The following ATP7A variants were observed in gnomAD, a reference collection of about 807,000 sequenced individuals.
The protein encoded by ATP7A is ATPase copper transporting alpha.
Under a neutral mutation model 83.5 loss-of-function variants are expected in ATP7A, and 7 were observed. The ratio of observed to expected loss-of-function variants is 0.08; its 90% CI spans 0.05 to 0.16. The LOEUF is 0.16. Ranked by LOEUF, ATP7A falls within the 10% of genes least tolerant of loss-of-function variation. The pLI, the probability that ATP7A is intolerant of heterozygous loss-of-function variation, is 1.00. For missense variants in ATP7A, 940 were observed against 1,120.8 expected (o/e 0.84, Z 2.30); for synonymous variants, 354 against 395.2 (o/e 0.90, Z 1.24).
rs376576688 is a variant in ATP7A, at chrX:77,952,453, G to C, written c.-21-19168G>C. ...TTTTAATTTGCATTTCCCTGATGAC[G>C]TATGATGTGGGGCATCTTTTCATAT... On this transcript the variant is annotated intron_variant, in intron 1 of 22. Coordinates refer to ENST00000341514, the MANE Select transcript of ATP7A (RefSeq NM_000052.7). 3.6e-5 allele frequency among the ~76,000 whole-genome samples: 4 copies of C among 111,719 alleles called. No homozygotes were observed. The Admixed American group carries it at 3.8e-4, about 11-fold the overall frequency.
At chrX:77,946,278 T>C (rs928086600) in intron 1 of ATP7A, among the ~76,000 whole-genome samples, 41 of 104,120 alleles carry the variant, frequency 3.9e-4, no homozygotes, top group African/African-American at 1.3e-3. Context: ...CCAGCCTGGG[T>C]GACAGGGCGA....
rs540249084 is a variant in ATP7A at position 78,017,338 on chromosome X, A to C, written c.2626+1457A>C. On this transcript the variant is annotated intron_variant, in intron 12 of 22. Transcript: ENST00000341514. ...GCCCTGGTTCCCAGCCCACAAAATC[A>C]TTTTTTCTCCTAGGCCTCAGGGCCT... Among the ~76,000 whole-genome samples the C allele has an allele frequency of 3.2e-4, 36 of 111,492 alleles. No individual in the cohort carries two copies. In the South Asian group the frequency reaches 0.013, roughly 41 times the overall value.
intron 1 of ATP7A, among the ~76,000 whole-genome samples, chrX:77,926,434 G>A (rs942860860): frequency 1.8e-5 from 2 of 111,015 alleles, no homozygotes; most frequent in Non-Finnish European, 1.9e-5. Flanking sequence ...AGGTTCAAAT[G>A]ATTCTCCTGC....
intron 1 of ATP7A, among the ~76,000 whole-genome samples, chrX:77,944,690 G>A (rs1009622419): frequency 4.6e-5 from 5 of 109,357 alleles, no homozygotes; most frequent in East Asian, 2.9e-4. Flanking sequence ...TCCTGTGCCC[G>A]GCCCCAAGTG....
chrX:77,950,570 T>C, intron 1 of ATP7A, among the ~76,000 whole-genome samples: 1 of 112,134 alleles, frequency 8.9e-6, no homozygotes, highest in African/African-American at 3.2e-5. Context: ...TTTAATTAAT[T>C]ATTTTAATTT....
At chrX:77,933,077 G>T (rs782462752) in intron 1 of ATP7A, among the ~76,000 whole-genome samples, 14 of 112,287 alleles carry the variant, frequency 1.2e-4, no homozygotes, top group South Asian at 7.3e-4. Context: ...TGACAGCAGT[G>T]AACCAGGTCT....
chrX:77,936,005 C>A (rs1361881844), intron 1 of ATP7A, among the ~76,000 whole-genome samples: 1 of 112,433 alleles, frequency 8.9e-6, no homozygotes, highest in Non-Finnish European at 1.9e-5. Flanking sequence ...AGTGAGAGTT[C>A]TTGGGTCAGA....
chrX:77,931,743 G>A (rs1361052642), intron 1 of ATP7A, among the ~76,000 whole-genome samples: 3 of 102,734 alleles, frequency 2.9e-5, no homozygotes, highest in Admixed American at 1.0e-4. Flanking sequence ...CTCACCTCCC[G>A]GACGGGGCGG....
chrX:78,038,242 T>C (rs1242618671), intron 17 of ATP7A, among the ~76,000 whole-genome samples: 1 of 109,627 alleles, frequency 9.1e-6, no homozygotes, highest in Non-Finnish European at 1.9e-5. Context: ...GTGGAAGTTC[T>C]TTTCTGATTG....
intron 1 of ATP7A, among the ~76,000 whole-genome samples, chrX:77,939,641 T>C: frequency 9.0e-6 from 1 of 110,863 alleles, no homozygotes; most frequent in Admixed American, 9.6e-5. Flanking sequence ...TGTTAGATGA[T>C]ATATTTGTTT....
chrX:77,919,710 G>C (rs1208329585), intron 1 of ATP7A, among the ~76,000 whole-genome samples: 1 of 112,121 alleles, frequency 8.9e-6, no homozygotes, highest in Non-Finnish European at 1.9e-5. Context: ...CTGGTGTCAA[G>C]CTCCTGACCT....
At position 78,011,472 on chromosome X, in the gene ATP7A, G is replaced by A. The variant is rs1441106617; in HGVS notation, c.1970G>A (p.Ser657Asn). The A allele has an allele frequency of 1.7e-6, 2 of 1,207,927 alleles. No homozygotes were observed. The highest frequency in any genetic ancestry group is 1.1e-6 in the Non-Finnish European group (1 of 894,324). Residue 657 changes from serine (S) to asparagine (N), a missense_variant, in exon 9 of 23, where the codon AGT becomes AAT. Ser to Asn is a conservative substitution (Grantham distance 46, BLOSUM62 1). Coordinates refer to ENST00000341514, the MANE Select transcript of ATP7A (RefSeq NM_000052.7). Reference sequence around the variant, plus strand: ...AGATGGAGACGGTCTTTTCTTGTGAGTCTGTTTTTCTGTATTCCTGTAATG... The same window carrying A: ...AGATGGAGACGGTCTTTTCTTGTGAATCTGTTTTTCTGTATTCCTGTAATG... ...IRQWRRSFLVSLFFCIPVMGL... is the reference protein window; with the variant it reads ...IRQWRRSFLVNLFFCIPVMGL...
chrX:77,979,829 T>A (rs1557230713), intron 2 of ATP7A, among the ~76,000 whole-genome samples: 2 of 112,683 alleles, frequency 1.8e-5, no homozygotes, highest in African/African-American at 6.4e-5. Flanking sequence ...ACTTTAGAAT[T>A]TAAATGCATT....
At chrX:77,992,210 G>A (rs782621394) in intron 4 of ATP7A, among the ~76,000 whole-genome samples, 80 of 108,719 alleles carry the variant, frequency 7.4e-4, no homozygotes, top group African/African-American at 2.6e-3. Context: ...GATTACAGGC[G>A]CCTGACACCA....
intron 1 of ATP7A, among the ~76,000 whole-genome samples, chrX:77,926,994 C>A (rs1458710727): frequency 8.9e-6 from 1 of 111,912 alleles, no homozygotes; most frequent in Non-Finnish European, 1.9e-5. Context: ...TGAGCCACTG[C>A]GCCTGGCTCA....
intron 5 of ATP7A, among the ~76,000 whole-genome samples, chrX:77,999,943 C>T (rs972223596): frequency 9.2e-6 from 1 of 108,634 alleles, no homozygotes; most frequent in Non-Finnish European, 1.9e-5. Context: ...GATGAGGTTT[C>T]ATGAGATCAA....
rs989676426 is a variant in ATP7A at position 78,027,924 on chromosome X, A to G, written c.2917-1326A>G. On this transcript the variant is annotated intron_variant, in intron 14 of 22. Transcript: ENST00000341514. Reference sequence around the variant, plus strand: ...TCCAGCCCACTACTGTAATATTAAAAAGTTTCTTTAAGTGATTCATGTCTG... The same window carrying G: ...TCCAGCCCACTACTGTAATATTAAAGAGTTTCTTTAAGTGATTCATGTCTG... 2.7e-5 allele frequency among the ~76,000 whole-genome samples: 3 copies of G among 111,464 alleles called. 1 individual carries two copies. Among genetic ancestry groups the G allele is most frequent in the Admixed American group, 1.9e-4 (2 of 10,460 alleles).
intron 21 of ATP7A, among the ~76,000 whole-genome samples, chrX:78,044,865 A>G (rs1364216011): frequency 8.9e-6 from 1 of 112,047 alleles, no homozygotes; most frequent in Non-Finnish European, 1.9e-5. Flanking sequence ...GAACAATTAC[A>G]AAACTGTTTA....
intron 5 of ATP7A, among the ~76,000 whole-genome samples, chrX:77,999,099 C>T (rs139861340): frequency 2.9e-3 from 313 of 107,900 alleles, no homozygotes; most frequent in African/African-American, 9.9e-3. Flanking sequence ...TGGGTTCAAG[C>T]GATCCTTCTG....
Sources: gnomAD v4.1 joint callset for allele counts (sites outside exome capture counted in the v4.1 genomes callset) on GRCh38, gnomAD v4.1.1 for gene constraint, MANE v1.5 for transcripts, NCBI Gene and HGNC (gene_info 2026-07-23, HGNC 2026-07-21) for gene names.